Variants in PTPRD observed in about 807,000 individuals in gnomAD.
The protein encoded by PTPRD is receptor-type tyrosine-protein phosphatase delta.
A neutral mutation model predicts 214.5 loss-of-function variants in PTPRD; 34 were observed. The observed-to-expected ratio is 0.16, with a 90% CI of 0.12 to 0.21. The LOEUF (loss-of-function observed/expected upper bound fraction) is 0.21, where lower values mean the gene tolerates loss of function less well. PTPRD is among the 10% of genes least tolerant of loss of function. PTPRD has a pLI of 1.00. For missense variants in PTPRD, 2,545 were observed against 2,398.7 expected (o/e 1.06, Z -1.27); for synonymous variants, 1,128 against 845.7 (o/e 1.33, Z -5.79).
chr9:9,215,625 T>A (rs951827448), intron 9 of PTPRD, among the ~76,000 whole-genome samples: 1 of 151,838 alleles, frequency 6.6e-6, no homozygotes, highest in Non-Finnish European at 1.5e-5. Context: ...CACAGTGAGG[T>A]GGAGTTGGGA....
chr9:10,044,043 G>A (rs538940431), intron 3 of PTPRD, among the ~76,000 whole-genome samples: 2 of 151,842 alleles, frequency 1.3e-5, no homozygotes, highest in South Asian at 4.1e-4. Flanking sequence ...GGTCTAACAT[G>A]AGAGAGAGGA....
At position 8,465,657 on chromosome 9, in the gene PTPRD, T is replaced by C. The variant is rs543399765; in HGVS notation, c.3523A>G (p.Arg1175Gly). 1 of 1,611,544 alleles carries C rather than the reference T, an allele frequency of 6.2e-7. No individual in the cohort carries two copies. Among genetic ancestry groups the C allele is most frequent in the South Asian group, 1.1e-5 (1 of 90,964 alleles). ...CCATAACGGATGCTTCTGCGCTTCC[T>C]AGATATCTCCTTAAGCAGCTTAAGG... is the stretch of plus-strand genomic sequence containing the variant. ...ELDELLKEIS[R>G]KRRSIRYGRE... The change falls in exon 32 of 46, where the codon AGG (arginine) becomes GGG (glycine). Residue 1175 changes from arginine to glycine, a missense_variant. By Grantham distance (125) the Arg-to-Gly change is moderately radical. Coordinates refer to ENST00000381196, the MANE Select transcript of PTPRD (RefSeq NM_002839.4).
intron 8 of PTPRD, among the ~76,000 whole-genome samples, chr9:9,481,339 G>A (rs1330328808): frequency 6.6e-6 from 1 of 152,090 alleles, no homozygotes; most frequent in Non-Finnish European, 1.5e-5. Flanking sequence ...GATTAGCCTT[G>A]CTGATCCTTA....
intron 9 of PTPRD, among the ~76,000 whole-genome samples, chr9:9,245,042 A>T (rs2099972357): frequency 6.6e-6 from 1 of 152,226 alleles, no homozygotes; most frequent in South Asian, 2.1e-4. Context: ...AAAAATGCTC[A>T]TCATCACTGG....
chr9:9,974,806 C>G (rs1173724662), intron 4 of PTPRD, among the ~76,000 whole-genome samples: 1 of 152,124 alleles, frequency 6.6e-6, no homozygotes, highest in Non-Finnish European at 1.5e-5. Context: ...TTTGTTGACA[C>G]AGTAAATATT....
intron 11 of PTPRD, among the ~76,000 whole-genome samples, chr9:8,809,819 C>G (rs1469506919): frequency 6.6e-6 from 1 of 151,910 alleles, no homozygotes; most frequent in Non-Finnish European, 1.5e-5. Context: ...CTACAAGTCT[C>G]TCCTTCTTAA....
intron 44 of PTPRD, among the ~76,000 whole-genome samples, chr9:8,328,946 C>G (rs1836823347): frequency 6.6e-6 from 1 of 151,910 alleles, no homozygotes; most frequent in Non-Finnish European, 1.5e-5. Flanking sequence ...TTTCCAGGTA[C>G]TTAGCTTCCT....
chr9:9,078,452 G>A (rs1395253524), intron 10 of PTPRD, among the ~76,000 whole-genome samples: 1 of 152,018 alleles, frequency 6.6e-6, no homozygotes, highest in Non-Finnish European at 1.5e-5. Context: ...GCATGCTGTG[G>A]CTTCGAAAGG....
At chr9:9,020,129 A>C (rs974518004) in intron 10 of PTPRD, among the ~76,000 whole-genome samples, 1 of 152,198 alleles carries the variant, frequency 6.6e-6, no homozygotes, top group East Asian at 1.9e-4. Flanking sequence ...GATTGTGCTC[A>C]AGATTTTAAA....
intron 3 of PTPRD, among the ~76,000 whole-genome samples, chr9:10,064,472 T>A (rs931739809): frequency 3.9e-5 from 6 of 151,972 alleles, no homozygotes; most frequent in Non-Finnish European, 8.8e-5. Flanking sequence ...ATCTCTGATA[T>A]CTACTTTTCT....
chr9:10,375,891 G>T (rs1304773744), intron 2 of PTPRD, among the ~76,000 whole-genome samples: 1 of 151,868 alleles, frequency 6.6e-6, no homozygotes, highest in Admixed American at 6.6e-5. Context: ...GCCCTATTTT[G>T]AATTTGCATT....
At chr9:8,319,718 A>C (rs1341519760) in intron 45 of PTPRD, 113 bp downstream of exon 45, 1 of 1,316,972 alleles carries the variant, frequency 7.6e-7, no homozygotes, top group Non-Finnish European at 1.1e-6. Context: ...AAACAGTTTG[A>C]TGCTTTCCCC....
At chr9:9,896,697 A>G (rs117463956) in intron 5 of PTPRD, among the ~76,000 whole-genome samples, 128 of 152,202 alleles carry the variant, frequency 8.4e-4, no homozygotes, top group Non-Finnish European at 1.6e-3. Context: ...ACAAAAGAAT[A>G]CTTTAAAGAA....
intron 8 of PTPRD, among the ~76,000 whole-genome samples, chr9:9,449,734 CT>C (rs141734429): frequency 1.7e-4 from 25 of 151,048 alleles, no homozygotes; most frequent in South Asian, 4.2e-4. Context: ...AGCAGTCATT[CT>C]TTTTTTTTAA....
At chr9:9,287,485 A>T (rs1181757291) in intron 9 of PTPRD, among the ~76,000 whole-genome samples, 1 of 151,844 alleles carries the variant, frequency 6.6e-6, no homozygotes, top group African/African-American at 2.4e-5. Flanking sequence ...CACAAGGACC[A>T]GTTATTGTGG....
chr9:10,347,460 G>C (rs1216706917), intron 2 of PTPRD, among the ~76,000 whole-genome samples: 1 of 148,928 alleles, frequency 6.7e-6, no homozygotes, highest in East Asian at 2.0e-4. Flanking sequence ...GCCCAGGCTG[G>C]AGTGCAACGG....
chr9:9,562,991 A>G (rs921409292), intron 8 of PTPRD, among the ~76,000 whole-genome samples: 14 of 152,136 alleles, frequency 9.2e-5, no homozygotes, highest in African/African-American at 3.4e-4. Context: ...TGCTCACCAA[A>G]TATTTATTGC....
chr9:9,942,559 T>C (rs764647991), intron 4 of PTPRD, among the ~76,000 whole-genome samples: 2 of 152,142 alleles, frequency 1.3e-5, no homozygotes, highest in African/African-American at 4.8e-5. Context: ...CTATCAGATA[T>C]AGTGCCCAAT....
chr9:8,651,724 T>C (rs1276213044), intron 12 of PTPRD, among the ~76,000 whole-genome samples: 1 of 151,480 alleles, frequency 6.6e-6, no homozygotes, highest in Non-Finnish European at 1.5e-5. Flanking sequence ...GAAGGGCCGT[T>C]TTTTCTCCCT....
Sources: gnomAD v4.1 joint callset for allele counts (sites outside exome capture counted in the v4.1 genomes callset) on GRCh38, gnomAD v4.1.1 for gene constraint, MANE v1.5 for transcripts, NCBI Gene and HGNC (gene_info 2026-07-23, HGNC 2026-07-21) for gene names.